The following NDUFB2 variants were observed in gnomAD, a reference collection of about 807,000 sequenced individuals.
NDUFB2 encodes NADH dehydrogenase [ubiquinone] 1 beta subcomplex subunit 2, mitochondrial.
NDUFB2 carries 13 observed loss-of-function variants against 13.4 expected under a neutral mutation model. The observed-to-expected ratio is 0.97, with a 90% confidence interval of 0.63 to 1.54. The LOEUF is 1.54. NDUFB2 is among the 40% of genes most tolerant of loss of function. The probability of loss-of-function intolerance (pLI) is 0.00; values close to 1 mark genes in which losing one functional copy is unlikely to be tolerated. For missense variants in NDUFB2, 150 were observed against 139.7 expected, an observed-to-expected ratio of 1.07 and a Z score of -0.37; for synonymous variants, 47 against 50.6, an observed-to-expected ratio of 0.93 and a Z score of 0.30.
At chr7:140,701,993 T>A (rs1177084982) in intron 1 of NDUFB2, 1 of 698,036 alleles carries the variant, frequency 1.4e-6, no homozygotes, top group East Asian at 2.7e-5. Context: ...ACCACTGCCC[T>A]GTTACTGTTC....
chr7:140,702,436 G>A (rs983935970), intron 1 of NDUFB2: 15 of 226,778 alleles, frequency 6.6e-5, no homozygotes, highest in Non-Finnish European at 9.4e-5. Flanking sequence ...CTCCCATATG[G>A]TTGTCTTTTA....
chr7:140,697,419 A>G (rs1473158810), intron 1 of NDUFB2: 2 of 702,682 alleles, frequency 2.8e-6, no homozygotes, highest in Admixed American at 2.0e-5. Context: ...CCGGAAGCCA[A>G]CGCTGGGGCA....
chr7:140,699,416 C>A (rs962208321), intron 1 of NDUFB2, among the ~76,000 whole-genome samples: 2 of 152,176 alleles, frequency 1.3e-5, no homozygotes, highest in African/African-American at 4.8e-5. Context: ...TTCAGGCTCA[C>A]ATTAAATTCT....
intron 1 of NDUFB2, among the ~76,000 whole-genome samples, chr7:140,699,648 C>T (rs577091261): frequency 2.6e-5 from 4 of 152,210 alleles, no homozygotes; most frequent in African/African-American, 9.6e-5. Flanking sequence ...TCTTTCCCCA[C>T]ACCTCATGTA....
At chr7:140,697,073 T>C in intron 1 of NDUFB2, 1 of 589,924 alleles carries the variant, frequency 1.7e-6, no homozygotes, top group Non-Finnish European at 3.0e-6. Context: ...AGGGCCGTCA[T>C]GGTAGTAGGG....
chr7:140,703,655 T>C (rs1251216917), intron 2 of NDUFB2, among the ~76,000 whole-genome samples: 2 of 152,166 alleles, frequency 1.3e-5, no homozygotes, highest in African/African-American at 4.8e-5. Context: ...AAATGATGAA[T>C]GTCTTCTGGT....
At chr7:140,697,014 G>A in intron 1 of NDUFB2, 172 bp downstream of exon 1, 1 of 639,876 alleles carries the variant, frequency 1.6e-6, no homozygotes, top group Non-Finnish European at 2.7e-6. Flanking sequence ...GACCCCGCTG[G>A]CCGGAGGGAG....
At chr7:140,702,623 A>G in intron 1 of NDUFB2, 1 of 436,856 alleles carries the variant, frequency 2.3e-6, no homozygotes, top group Non-Finnish European at 4.0e-6. Flanking sequence ...AGTGCAAAAT[A>G]ATGAATCTTC....
chr7:140,704,925 TGAA>T lies in NDUFB2; in HGVS notation c.312_314del (p.Glu104del), dbSNP rs773272659. The T allele has an allele frequency of 6.3e-7, 1 of 1,599,686 alleles. No individual in the cohort carries two copies. The highest frequency in any genetic ancestry group is 8.5e-7 in the Non-Finnish European group (1 of 1,172,438). On this transcript the variant is annotated inframe_deletion, in exon 3 of 4. Transcript: ENST00000247866. ...AAGAATTAGGTATCCCTCCTGATGA[TGAA>T]GACTGAAGGTGTAGACTCAGCCTCA...
At chr7:140,702,058 C>T (rs775385976) in intron 1 of NDUFB2, 109 of 701,978 alleles carry the variant, frequency 1.6e-4, no homozygotes, top group Non-Finnish European at 2.5e-4. Flanking sequence ...CCTACAGGTA[C>T]GAATTTCTGT....
chr7:140,696,938 C>T, intron 1 of NDUFB2, 96 bp downstream of exon 1: 2 of 1,179,988 alleles, frequency 1.7e-6, no homozygotes, highest in Admixed American at 2.1e-5. Flanking sequence ...CCTGAAGAGG[C>T]CGCGTCCCGA....
Position 140,702,997 on chromosome 7 carries a change from CAG to C in NDUFB2, c.232_233del (p.Glu78ArgfsTer10). ...ATTCTCTGGCGCTTTTGGCATGACT[CAG>C]AAGAGGTGCTGGTAAGTGCAGGAGA... On this transcript the variant is annotated frameshift_variant, in exon 2 of 4. Transcript: ENST00000247866. LOFTEE classifies it high-confidence loss of function. The C allele has an allele frequency of 6.2e-7, 1 of 1,613,742 alleles. No individual in the cohort carries two copies. Among genetic ancestry groups the C allele is most frequent in the Non-Finnish European group, 8.5e-7 (1 of 1,179,970 alleles).
intron 1 of NDUFB2, chr7:140,701,078 AGT>A (rs2130800670): frequency 6.6e-6 from 1 of 152,316 alleles, no homozygotes; most frequent in East Asian, 1.9e-4. Context: ...TCCAAATAAA[AGT>A]GTTAAATTTT....
chr7:140,699,030 C>A (rs532038848), intron 1 of NDUFB2, among the ~76,000 whole-genome samples: 1 of 152,058 alleles, frequency 6.6e-6, no homozygotes, highest in Non-Finnish European at 1.5e-5. Context: ...TGGTAGTGTG[C>A]GCCTGTAATC....
chr7:140,703,879 C>T (rs1199950323), intron 2 of NDUFB2, among the ~76,000 whole-genome samples: 1 of 152,118 alleles, frequency 6.6e-6, no homozygotes, highest in Non-Finnish European at 1.5e-5. Flanking sequence ...CCTCAGCCTC[C>T]CAAGTAGCTG....
At chr7:140,705,821 A>T (rs1794959279) in intron 3 of NDUFB2, among the ~76,000 whole-genome samples, 1 of 152,172 alleles carries the variant, frequency 6.6e-6, no homozygotes, top group African/African-American at 2.4e-5. Context: ...ATATGGGAGT[A>T]TTACTATATA....
At chr7:140,703,076 T>C in intron 2 of NDUFB2, 66 bp downstream of exon 2, 4 of 1,582,542 alleles carry the variant, frequency 2.5e-6, no homozygotes, top group Non-Finnish European at 3.5e-6. Context: ...TAATAGCTTG[T>C]TTATTTTTCT....
At chr7:140,697,371 G>C in intron 1 of NDUFB2, 2 of 702,938 alleles carry the variant, frequency 2.8e-6, no homozygotes, top group South Asian at 1.5e-5. Context: ...GGAGGCTGTC[G>C]CCCAGAGAGA....
At chr7:140,698,736 G>A (rs1794854046) in intron 1 of NDUFB2, among the ~76,000 whole-genome samples, 1 of 152,154 alleles carries the variant, frequency 6.6e-6, no homozygotes, top group Admixed American at 6.5e-5. Flanking sequence ...GAGAGACCAG[G>A]TCACAGGGAC....
Sources: allele counts gnomAD v4.1 joint callset (sites outside exome capture counted in the v4.1 genomes callset), GRCh38; gene constraint gnomAD v4.1.1; transcripts MANE v1.5; gene names NCBI Gene and HGNC (gene_info 2026-07-23, HGNC 2026-07-21).